Variants in RALGAPA2 observed in about 807,000 individuals in gnomAD.
RALGAPA2 encodes Ral GTPase activating protein catalytic subunit alpha 2.
RALGAPA2 carries 139 observed loss-of-function variants against 230.4 expected under a neutral mutation model. The ratio of observed to expected loss-of-function variants is 0.60; its 90% CI spans 0.53 to 0.69. RALGAPA2 has a LOEUF of 0.69. Ranked by LOEUF, RALGAPA2 falls within the 30% of genes least tolerant of loss-of-function variation. The pLI is 0.00. For synonymous variants in RALGAPA2, 847 were observed against 837.8 expected (o/e 1.01, Z -0.19); for missense variants, 2,163 against 2,276.0 (o/e 0.95, Z 1.01).
chr20:20,707,924 C>T (rs2069672178), intron 1 of RALGAPA2, among the ~76,000 whole-genome samples: 1 of 152,148 alleles, frequency 6.6e-6, no homozygotes, highest in Non-Finnish European at 1.5e-5. Context: ...GCTCTTCCAT[C>T]TTCCCCTGGT....
intron 23 of RALGAPA2, among the ~76,000 whole-genome samples, chr20:20,550,194 C>G (rs896720860): frequency 6.6e-6 from 1 of 152,124 alleles, no homozygotes; most frequent in East Asian, 1.9e-4. Flanking sequence ...TATGCCTCTG[C>G]GTACTCAGAA....
rs1197628641 is a variant in RALGAPA2 at position 20,412,156 on chromosome 20, A to G, written c.5496-8T>C. On this transcript the variant is annotated splice_polypyrimidine_tract_variant and splice_region_variant and intron_variant, in intron 37 of 39. Coordinates refer to ENST00000202677, the MANE Select transcript of RALGAPA2 (RefSeq NM_020343.4). ...AGAGCTCGCTCTTCATAGCTGCGGT[A>G]ATCGGTTAAGGAAACAAGTGCACGT... 3 of 1,613,584 alleles carry G rather than the reference A, an allele frequency of 1.9e-6. No homozygotes were observed. The highest frequency in any genetic ancestry group is 2.5e-6 in the Non-Finnish European group (3 of 1,179,680).
chr20:20,486,449 T>C (rs192518519), intron 36 of RALGAPA2, among the ~76,000 whole-genome samples: 4 of 152,310 alleles, frequency 2.6e-5, no homozygotes, highest in African/African-American at 9.6e-5. Context: ...GCTCAGTTTC[T>C]GAAGAGAAGC....
chr20:20,396,962 C>T (rs1356649446), intron 38 of RALGAPA2, among the ~76,000 whole-genome samples: 2 of 152,194 alleles, frequency 1.3e-5, no homozygotes, highest in African/African-American at 2.4e-5. Context: ...GACATTAGAA[C>T]TCCCAGGATC....
intron 39 of RALGAPA2, among the ~76,000 whole-genome samples, chr20:20,395,053 C>T (rs1331661193): frequency 1.3e-5 from 2 of 152,196 alleles, no homozygotes; most frequent in Admixed American, 6.5e-5. Flanking sequence ...GGGTGCACCT[C>T]GAGTTCCTGC....
At chr20:20,682,093 G>C (rs2068540618) in intron 1 of RALGAPA2, among the ~76,000 whole-genome samples, 1 of 152,140 alleles carries the variant, frequency 6.6e-6, no homozygotes, top group South Asian at 2.1e-4. Flanking sequence ...GTTTTTCTCT[G>C]ATAATTGTAT....
chr20:20,712,268 A>AAACCCC lies in RALGAPA2; in HGVS notation c.106+106_106+107insGGGGTT. On this transcript the variant is annotated intron_variant, in intron 1 of 39. Coordinates refer to ENST00000202677, the MANE Select transcript of RALGAPA2 (RefSeq NM_020343.4). This position sits in a 1 kb window ranked among gnomAD's most constrained non-coding sequence, Gnocchi z 5.5. ...AGGGAAGGGGGTCGGACGCCCACCC[A>AAACCCC]TCCCCCTCCCCAGCCTCCCAGCCAC... 2.9e-6 allele frequency: 1 copy of AAACCCC among 346,920 alleles called. No individual in the cohort carries two copies. The highest frequency in any genetic ancestry group is 5.5e-6 in the Non-Finnish European group (1 of 182,694). The allele number at this position is 346,920 out of a possible 1,614,324, so 21.5% of individuals were successfully genotyped here. A position where few individuals can be genotyped will look rare whatever the true frequency, so the allele number is the denominator to read the frequency against.
intron 31 of RALGAPA2, 39 bp from the exon 32 acceptor site, chr20:20,513,323 G>A: frequency 1.6e-6 from 2 of 1,223,556 alleles, no homozygotes; most frequent in Non-Finnish European, 2.1e-6. Context: ...AGTCAGTGGT[G>A]AATGAAGATT....
rs2060640400 is a variant in RALGAPA2, at chr20:20,437,455, T to G, written c.5496-25307A>C. ...CAGGAGGCTTTCAGGGATGGTGCCG[T>G]CCTCCGTTCAGCCTTCAGATGGCTC... On this transcript the variant is annotated intron_variant, in intron 37 of 39. Transcript: ENST00000202677. The surrounding 1 kb of genome is among the most constrained non-coding windows in gnomAD (Gnocchi z 4.1). 6.6e-6 allele frequency among the ~76,000 whole-genome samples: 1 copy of G among 152,104 alleles called. No homozygotes were observed. Among genetic ancestry groups the G allele is most frequent in the Admixed American group, 6.6e-5 (1 of 15,266 alleles).
At chr20:20,615,146 T>C (rs1364374235) in intron 13 of RALGAPA2, among the ~76,000 whole-genome samples, 1 of 150,308 alleles carries the variant, frequency 6.7e-6, no homozygotes, top group East Asian at 2.0e-4. Context: ...CCTCATCAGA[T>C]GGAGTAACGT....
chr20:20,625,088 T>C (rs1317882603), intron 10 of RALGAPA2, among the ~76,000 whole-genome samples: 2 of 152,168 alleles, frequency 1.3e-5, no homozygotes, highest in African/African-American at 4.8e-5. Context: ...CCTATTGGTC[T>C]ATACCTGCTT....
At chr20:20,455,469 A>G (rs1412784584) in intron 37 of RALGAPA2, among the ~76,000 whole-genome samples, 5 of 152,202 alleles carry the variant, frequency 3.3e-5, no homozygotes, top group Non-Finnish European at 7.3e-5. Flanking sequence ...TGGTCACGAG[A>G]TCCAAAGATG....
chr20:20,414,078 C>T (rs560039514), intron 37 of RALGAPA2, among the ~76,000 whole-genome samples: 17 of 152,376 alleles, frequency 1.1e-4, no homozygotes, highest in South Asian at 2.1e-4. Flanking sequence ...GGCCGTCTGG[C>T]GAACAGGCAC....
intron 2 of RALGAPA2, among the ~76,000 whole-genome samples, chr20:20,679,621 A>G (rs1406274614): frequency 1.3e-5 from 2 of 152,108 alleles, no homozygotes; most frequent in African/African-American, 4.8e-5. Flanking sequence ...CAAGAAAAAA[A>G]AAATGCATTT....
At chr20:20,451,002 C>A (rs1006970747) in intron 37 of RALGAPA2, among the ~76,000 whole-genome samples, 3 of 152,204 alleles carry the variant, frequency 2.0e-5, no homozygotes, top group Admixed American at 1.3e-4. Flanking sequence ...GGAGCAACAA[C>A]AAACATAGCT....
chr20:20,554,150 T>C (rs1413616034), intron 23 of RALGAPA2, among the ~76,000 whole-genome samples: 1 of 152,206 alleles, frequency 6.6e-6, no homozygotes, highest in Non-Finnish European at 1.5e-5. Flanking sequence ...GAAGCAACTA[T>C]TTCCCATTTC....
At chr20:20,635,043 A>G (rs1464514655) in intron 9 of RALGAPA2, among the ~76,000 whole-genome samples, 1 of 152,148 alleles carries the variant, frequency 6.6e-6, no homozygotes, top group African/African-American at 2.4e-5. Context: ...GGGGCCACTT[A>G]CAGTTTCCTA....
intron 16 of RALGAPA2, among the ~76,000 whole-genome samples, chr20:20,591,556 A>G (rs1434991756): frequency 1.3e-5 from 2 of 152,166 alleles, no homozygotes; most frequent in Admixed American, 6.5e-5. Flanking sequence ...AAAGTAAAGG[A>G]AAAAAAGCCA....
intron 14 of RALGAPA2, among the ~76,000 whole-genome samples, chr20:20,605,682 G>C (rs1238705724): frequency 6.6e-6 from 1 of 152,120 alleles, no homozygotes. Flanking sequence ...TCAGAGAAAA[G>C]ACAAAGCCCT....
Sources: gnomAD v4.1 joint callset for allele counts (sites outside exome capture counted in the v4.1 genomes callset) on GRCh38, gnomAD v4.1.1 for gene constraint, Gnocchi (gnomAD v3.1) non-coding constraint, MANE v1.5 for transcripts, NCBI Gene and HGNC (gene_info 2026-07-23, HGNC 2026-07-21) for gene names.